The following MMD2 variants were observed in gnomAD, a reference collection of about 807,000 sequenced individuals.
The protein encoded by MMD2 is monocyte to macrophage differentiation associated 2, also known as monocyte to macrophage differentiation factor 2.
MMD2 carries 30 observed loss-of-function variants against 33.5 expected under a neutral mutation model. The observed-to-expected ratio is 0.90, with a 90% CI of 0.67 to 1.22. MMD2 has a LOEUF of 1.22. Among genes scored for constraint, MMD2 ranks in the 50% most tolerant of loss-of-function variants. MMD2 has a pLI of 0.00. For missense variants in MMD2, 364 were observed against 325.4 expected, an observed-to-expected ratio of 1.12 and a Z score of -0.91; for synonymous variants, 129 against 123.0, an observed-to-expected ratio of 1.05 and a Z score of -0.32.
Position 4,946,189 on chromosome 7 carries a change from G to A in MMD2, c.47+12782C>T, listed in dbSNP as rs574788087. Among the ~76,000 whole-genome samples, 10 of 148,280 alleles carry A rather than the reference G, an allele frequency of 6.7e-5. No homozygotes were observed. In the South Asian group the frequency reaches 8.6e-4, roughly 13 times the overall value. On this transcript the variant is annotated intron_variant, in intron 1 of 6. Coordinates refer to ENST00000401401, the MANE Select transcript of MMD2 (RefSeq NM_198403.4). This position sits in a 1 kb window ranked among gnomAD's most constrained non-coding sequence, Gnocchi z 5.0. ...CCTGCACACATGCACACACACGCGC[G>A]CACACCCACACACACGCATGCACAC...
rs147398454 is a variant in MMD2, at chr7:4,909,491, G to A, written c.537+390C>T. On this transcript the variant is annotated intron_variant, in intron 6 of 6. Coordinates refer to ENST00000401401, the MANE Select transcript of MMD2 (RefSeq NM_198403.4). ...GAGTTTCACTGTTGTAGCCCAGGCTGGAGTGCAGTGGTGCAATCTCGGCTC... is the reference window on the plus strand; with the variant it reads ...GAGTTTCACTGTTGTAGCCCAGGCTAGAGTGCAGTGGTGCAATCTCGGCTC... 4.5e-4 allele frequency among the ~76,000 whole-genome samples: 69 copies of A among 152,116 alleles called. No individual in the cohort carries two copies. The East Asian group carries it at 0.013, about 28-fold the overall frequency.
Position 4,906,616 on chromosome 7 carries a change from A to T in MMD2, c.*780T>A, listed in dbSNP as rs1236239447. On this transcript the variant is annotated 3_prime_UTR_variant, in exon 7 of 7. Coordinates refer to ENST00000401401, the MANE Select transcript of MMD2 (RefSeq NM_198403.4). ...AGAATCAACTACGGTGGAACAGAAC[A>T]TCAGGGGCTGCATGGGTGTGCGCCT... The T allele has an allele frequency of 1.3e-5, 5 of 398,382 alleles. No individual in the cohort carries two copies. The highest frequency in any genetic ancestry group is 2.2e-5 in the Non-Finnish European group (5 of 226,004). 24.7% of individuals were successfully genotyped at this position (398,382 alleles called of 1,614,324 possible).
chr7:4,941,253 G>A (rs2115140615), intron 1 of MMD2, among the ~76,000 whole-genome samples: 1 of 152,296 alleles, frequency 6.6e-6, no homozygotes, highest in East Asian at 1.9e-4. Flanking sequence ...GACATCACCA[G>A]CAGCCAATCA....
chr7:4,913,712 C>A (rs1307401752), intron 4 of MMD2, among the ~76,000 whole-genome samples: 1 of 112,512 alleles, frequency 8.9e-6, no homozygotes, highest in Non-Finnish European at 1.7e-5. Flanking sequence ...GAGCGAAACT[C>A]TATCTCGGCA....
intron 1 of MMD2, among the ~76,000 whole-genome samples, chr7:4,929,335 C>T (rs991058731): frequency 6.6e-6 from 1 of 152,098 alleles, no homozygotes; most frequent in Non-Finnish European, 1.5e-5. Flanking sequence ...GCAGCAGCCT[C>T]GCAGGGGCAG....
chr7:4,950,524 T>C (rs1239111284), intron 1 of MMD2, among the ~76,000 whole-genome samples: 2 of 152,144 alleles, frequency 1.3e-5, no homozygotes, highest in African/African-American at 4.8e-5. Flanking sequence ...CACCTGCCTC[T>C]GGCAGCCACC....
chr7:4,902,206 C>T (rs908709792), downstream of MMD2, among the ~76,000 whole-genome samples: 1 of 152,208 alleles, frequency 6.6e-6, no homozygotes, highest in Non-Finnish European at 1.5e-5. Flanking sequence ...CCCGCCTTGG[C>T]CTCCCAAAGT....
At chr7:4,933,579 G>A (rs1785654299) in intron 1 of MMD2, among the ~76,000 whole-genome samples, 1 of 151,128 alleles carries the variant, frequency 6.6e-6, no homozygotes, top group Non-Finnish European at 1.5e-5. Context: ...TTGCTGAGCA[G>A]TATTGCTTTG....
At position 4,956,853 on chromosome 7, in the gene MMD2, T is replaced by A. The variant is rs112266214; in HGVS notation, c.47+2118A>T. On this transcript the variant is annotated intron_variant, in intron 1 of 6. Coordinates refer to ENST00000401401, the MANE Select transcript of MMD2 (RefSeq NM_198403.4). ...AAACCCAGGGTTTCTCTCTTTCCCG[T>A]GAACAGTCCACCAACTTACGTCTCA... Among the ~76,000 whole-genome samples the A allele has an allele frequency of 7.4e-3, 1,120 of 152,154 alleles. 15 individuals carry two copies. The highest frequency in any genetic ancestry group is 0.025 in the African/African-American group (1,037 of 41,488).
At chr7:4,911,344 G>A in intron 4 of MMD2, 98 bp from the exon 5 acceptor site, 9 of 947,628 alleles carry the variant, frequency 9.5e-6, no homozygotes, top group Non-Finnish European at 1.4e-5. Flanking sequence ...CCCCAGGGAA[G>A]TCCTGTCACC....
chr7:4,920,383 C>T, intron 2 of MMD2, 52 bp from the exon 3 acceptor site: 1 of 1,564,560 alleles, frequency 6.4e-7, no homozygotes, highest in Admixed American at 1.9e-5. Flanking sequence ...TGGCTCAGAG[C>T]ACACCTCCTG....
intron 1 of MMD2, among the ~76,000 whole-genome samples, chr7:4,930,271 CAAAAAA>C (rs770469673): frequency 4.2e-5 from 2 of 47,176 alleles, no homozygotes; most frequent in Non-Finnish European, 8.3e-5. Context: ...GACTCCATCT[CAAAAAA>C]AAAAAAAAAA....
At chr7:4,923,957 C>A (rs1413084766) in intron 2 of MMD2, among the ~76,000 whole-genome samples, 2 of 152,074 alleles carry the variant, frequency 1.3e-5, no homozygotes, top group African/African-American at 4.8e-5. Context: ...CTATGGGAGG[C>A]CAAGGCGGGT....
At chr7:4,951,040 A>G (rs1481667788) in intron 1 of MMD2, among the ~76,000 whole-genome samples, 1 of 151,982 alleles carries the variant, frequency 6.6e-6, no homozygotes, top group East Asian at 1.9e-4. Flanking sequence ...ATCTCATTGC[A>G]TAAGAGAGTG....
chr7:4,937,589 G>A (rs1214401947), intron 1 of MMD2, among the ~76,000 whole-genome samples: 4 of 152,146 alleles, frequency 2.6e-5, no homozygotes, highest in Non-Finnish European at 5.9e-5. Flanking sequence ...GTTTGTTGCA[G>A]CCTCCAACTC....
intron 4 of MMD2, among the ~76,000 whole-genome samples, chr7:4,912,174 ATAGATCTCTAAGC>A (rs1785030978): frequency 6.6e-6 from 1 of 152,128 alleles, no homozygotes; most frequent in Non-Finnish European, 1.5e-5. Flanking sequence ...ACCAACATAG[ATAGATCTCTAAGC>A]TATATTGTGA....
intron 2 of MMD2, among the ~76,000 whole-genome samples, chr7:4,924,242 T>G (rs1003826019): frequency 4.6e-5 from 7 of 152,056 alleles, no homozygotes; most frequent in Non-Finnish European, 2.9e-5. Context: ...CAGAACCAAG[T>G]GTGGTCCAGG....
intron 2 of MMD2, among the ~76,000 whole-genome samples, chr7:4,921,620 C>CAA (rs1209184282): frequency 4.7e-4 from 32 of 67,418 alleles, no homozygotes; most frequent in African/African-American, 1.2e-3. Flanking sequence ...GACTCTGTCT[C>CAA]AAAAAAAAAA....
chr7:4,893,364 TTTTATTTA>T, the MMD2 span, among the ~76,000 whole-genome samples: 7,289 of 142,998 alleles, frequency 0.051, 224 homozygotes, highest in African/African-American at 0.064. Flanking sequence ...TGGTTATTTC[TTTTATTTA>T]TTTATTTATT....
Sources: gnomAD v4.1 joint callset for allele counts (sites outside exome capture counted in the v4.1 genomes callset) on GRCh38, gnomAD v4.1.1 for gene constraint, Gnocchi (gnomAD v3.1) non-coding constraint, MANE v1.5 for transcripts, NCBI Gene and HGNC (gene_info 2026-07-23, HGNC 2026-07-21) for gene names.